The following DNAH11 variants were observed in gnomAD, a reference collection of about 807,000 sequenced individuals.
DNAH11 encodes axonemal beta dynein heavy chain 11.
Under a neutral mutation model 526.0 loss-of-function variants are expected in DNAH11, and 442 were observed. That is an observed-to-expected ratio of 0.84 (90% CI 0.78 to 0.91). The LOEUF (loss-of-function observed/expected upper bound fraction) is 0.91, where lower values mean the gene tolerates loss of function less well. DNAH11 is among the 40% of genes least tolerant of loss of function. DNAH11 has a pLI of 0.00. For missense variants in DNAH11, 6,989 were observed against 5,448.7 expected (o/e 1.28, Z -8.90); for synonymous variants, 2,461 against 1,935.9 (o/e 1.27, Z -7.12).
chr7:21,649,125 T>C (rs549678829), intron 28 of DNAH11, among the ~76,000 whole-genome samples: 1 of 152,336 alleles, frequency 6.6e-6, no homozygotes, highest in Admixed American at 6.5e-5. Flanking sequence ...CACCAAAGGC[T>C]AAAATTAAAA....
rs374342102 is a variant in DNAH11, at chr7:21,748,684, G to A, written c.8615G>A (p.Arg2872His). 9.9e-6 allele frequency: 16 copies of A among 1,613,454 alleles called. No homozygotes were observed. The highest frequency in any genetic ancestry group is 1.2e-5 in the Non-Finnish European group (14 of 1,179,710). Residue 2872 changes from arginine (R) to histidine (H), a missense_variant, in exon 52 of 82, where the codon CGT (arginine) becomes CAT (histidine). By Grantham distance (29) the Arg-to-His change is conservative. Transcript: ENST00000409508. ...TTGTCCAGGCTGGCAGCTTACCTTC[G>A]TGGCCTTGAGGTCTTTCAGATCACT... ...QSLSRLAAYL[R>H]GLEVFQITLT... is the part of the protein sequence containing the mutation.
At chr7:21,578,966 A>G (rs1186332685) in intron 8 of DNAH11, among the ~76,000 whole-genome samples, 1 of 152,164 alleles carries the variant, frequency 6.6e-6, no homozygotes, top group Non-Finnish European at 1.5e-5. Flanking sequence ...GTCATCTGTA[A>G]TCTTGCTCAT....
intron 62 of DNAH11, among the ~76,000 whole-genome samples, chr7:21,802,882 C>G (rs933953560): frequency 7.3e-5 from 11 of 151,386 alleles, no homozygotes; most frequent in Admixed American, 4.6e-4. Flanking sequence ...CATGGTTTCT[C>G]TTTGGGGTGA....
At position 21,600,783 on chromosome 7, in the gene DNAH11, C is replaced by T; in HGVS notation, c.3108C>T (p.Thr1036=). The T allele has an allele frequency of 6.2e-7, 1 of 1,613,764 alleles. No individual in the cohort carries two copies. The highest frequency in any genetic ancestry group is 8.5e-7 in the Non-Finnish European group (1 of 1,179,828). The change falls in exon 16 of 82, where the codon ACC becomes ACT. Residue 1036 remains threonine (T), a synonymous_variant. Transcript: ENST00000409508. The stretch of plus-strand genomic sequence containing the variant: ...TAGATTTCAGAAACACCCTGGAGAC[C>T]CACACTTACCTCTGGGTGGATGATC... ...KVLDFRNTLE[T]HTYLWVDDRA... is the part of the protein sequence containing the mutation.
intron 74 of DNAH11, among the ~76,000 whole-genome samples, chr7:21,880,022 T>G (rs1403414507): frequency 6.7e-6 from 1 of 148,342 alleles, no homozygotes; most frequent in African/African-American, 2.5e-5. Context: ...GAGGCAGAGG[T>G]TGCAATGAGC....
intron 20 of DNAH11, among the ~76,000 whole-genome samples, chr7:21,613,925 G>C (rs1462288511): frequency 1.5e-5 from 2 of 136,738 alleles, no homozygotes; most frequent in Admixed American, 1.5e-4. Context: ...ATGCCACCAT[G>C]CCCAGCTAAT....
intron 8 of DNAH11, among the ~76,000 whole-genome samples, chr7:21,579,714 G>A (rs1784238206): frequency 6.6e-6 from 1 of 152,150 alleles, no homozygotes. Flanking sequence ...CTAAGAAACT[G>A]ACAATTCCGA....
intron 54 of DNAH11, among the ~76,000 whole-genome samples, chr7:21,752,756 A>C (rs540259029): frequency 8.5e-5 from 13 of 152,236 alleles, no homozygotes; most frequent in African/African-American, 3.1e-4. Context: ...CTTGTTGCCC[A>C]GGCTGGAATG....
intron 24 of DNAH11, 27 bp from the exon 25 acceptor site, chr7:21,619,929 C>T: frequency 7.7e-7 from 1 of 1,294,808 alleles, no homozygotes; most frequent in African/African-American, 1.9e-5. Context: ...AAATTTTGTG[C>T]ACATTAATTA....
chr7:21,651,599 A>G (rs1645942118), intron 28 of DNAH11, among the ~76,000 whole-genome samples: 1 of 152,170 alleles, frequency 6.6e-6, no homozygotes, highest in Non-Finnish European at 1.5e-5. Flanking sequence ...TTAAATTATA[A>G]AATTAGCTAG....
At chr7:21,583,380 G>A (rs1583501332) in intron 9 of DNAH11, among the ~76,000 whole-genome samples, 1 of 152,166 alleles carries the variant, frequency 6.6e-6, no homozygotes, top group African/African-American at 2.4e-5. Context: ...AAACTGGCTT[G>A]CCATATGCAG....
At chr7:21,771,702 G>T (rs987325719) in intron 55 of DNAH11, among the ~76,000 whole-genome samples, 1 of 151,990 alleles carries the variant, frequency 6.6e-6, no homozygotes, top group African/African-American at 2.4e-5. Flanking sequence ...ACTATAAGTG[G>T]TTATCAACTG....
At chr7:21,871,980 T>C (rs1352223748) in intron 73 of DNAH11, among the ~76,000 whole-genome samples, 1 of 151,130 alleles carries the variant, frequency 6.6e-6, no homozygotes, top group Non-Finnish European at 1.5e-5. Flanking sequence ...AAAAATTAGC[T>C]GGGCGTGGTG....
intron 43 of DNAH11, among the ~76,000 whole-genome samples, chr7:21,720,470 AT>A (rs1235472906): frequency 1.3e-5 from 2 of 149,894 alleles, no homozygotes; most frequent in Admixed American, 1.3e-4. Context: ...TTGTATACTG[AT>A]TATTAACTGG....
Position 21,831,428 on chromosome 7 carries a change from A to T in DNAH11, c.10692-11116A>T, listed in dbSNP as rs1781762066. Among the ~76,000 whole-genome samples, 3 of 152,176 alleles carry T rather than the reference A, an allele frequency of 2.0e-5. No homozygotes were observed. In the South Asian group the frequency reaches 6.2e-4, roughly 32 times the overall value. On this transcript the variant is annotated intron_variant, in intron 65 of 81. Transcript: ENST00000409508. Reference sequence around the variant, plus strand: ...TAATTTAGCAGCAATGATAAAACCCACTGAGTCATTATATAATTTTTGCCT... The same window carrying T: ...TAATTTAGCAGCAATGATAAAACCCTCTGAGTCATTATATAATTTTTGCCT...
intron 28 of DNAH11, among the ~76,000 whole-genome samples, chr7:21,642,040 C>T (rs1368351555): frequency 6.6e-6 from 1 of 152,140 alleles, no homozygotes; most frequent in African/African-American, 2.4e-5. Context: ...CTAAAGGATC[C>T]AGTCCTGTGG....
Position 21,683,829 on chromosome 7 carries a change from C to T in DNAH11, c.5506C>T (p.Arg1836Ter), listed in dbSNP as rs370080269. ...TACATGGCTGTCTCAACTTCGTCAC[C>T]GATGGGAGGATACCCAGAAACACTG... is the stretch of plus-strand genomic sequence containing the variant. ...AFTWLSQLRH[R>*]WEDTQKHCFV... is the part of the protein sequence containing the mutation. The change falls in exon 32 of 82, where the codon CGA becomes TGA. Residue 1836 changes from arginine (R) to a stop codon, truncating the protein, a stop_gained. Coordinates refer to ENST00000409508, the MANE Select transcript of DNAH11 (RefSeq NM_001277115.2). LOFTEE classifies it high-confidence loss of function. 9 of 1,612,430 alleles carry T rather than the reference C, an allele frequency of 5.6e-6. No individual in the cohort carries two copies. Among genetic ancestry groups the T allele is most frequent in the East Asian group, 4.5e-5 (2 of 44,862 alleles).
chr7:21,601,105 A>G lies in DNAH11; in HGVS notation c.3351A>G (p.Lys1117=), dbSNP rs751684831. The change falls in exon 17 of 82, where the codon AAA becomes AAG. Residue 1117 remains lysine (K), a synonymous_variant. Transcript: ENST00000409508. ...TCAAGGTGGACATGAAGCCTTTCAA[A>G]GTGAGCTTGTTAACCATAATTAAGA... The part of the protein sequence containing the change: ...SWFKVDMKPF[K]VSLLTIIKKW... 3 of 1,610,472 alleles carry G rather than the reference A, an allele frequency of 1.9e-6. No individual in the cohort carries two copies. The highest frequency in any genetic ancestry group is 2.5e-6 in the Non-Finnish European group (3 of 1,179,296).
chr7:21,656,233 A>G (rs1487842866), intron 29 of DNAH11, among the ~76,000 whole-genome samples: 4 of 152,176 alleles, frequency 2.6e-5, no homozygotes, highest in Admixed American at 1.3e-4. Context: ...GACAGAAGCA[A>G]CTGTCACAGA....
Sources: gnomAD v4.1 joint callset for allele counts (sites outside exome capture counted in the v4.1 genomes callset) on GRCh38, gnomAD v4.1.1 for gene constraint, MANE v1.5 for transcripts, NCBI Gene and HGNC (gene_info 2026-07-23, HGNC 2026-07-21) for gene names.